The following SORCS1 variants were observed in gnomAD, a reference collection of about 807,000 sequenced individuals.
The protein encoded by SORCS1 is VPS10 domain-containing receptor SorCS1.
Under a neutral mutation model 146.1 loss-of-function variants are expected in SORCS1, and 60 were observed. That is an observed-to-expected ratio of 0.41 (90% CI 0.33 to 0.51). The LOEUF (loss-of-function observed/expected upper bound fraction) is 0.51, where lower values mean the gene tolerates loss of function less well. SORCS1 is among the 20% of genes least tolerant of loss of function. The pLI is 0.21. For missense variants in SORCS1, 1,352 were observed against 1,487.6 expected (o/e 0.91, Z 1.50); for synonymous variants, 637 against 584.0 (o/e 1.09, Z -1.31).
chr10:107,131,132 A>G (rs1163455786), intron 1 of SORCS1, among the ~76,000 whole-genome samples: 2 of 152,154 alleles, frequency 1.3e-5, no homozygotes, highest in Non-Finnish European at 2.9e-5. Context: ...TGCTCTTTAT[A>G]GTACCTGTCC....
intron 3 of SORCS1, among the ~76,000 whole-genome samples, chr10:106,816,806 T>C (rs889182441): frequency 6.6e-6 from 1 of 152,148 alleles, no homozygotes; most frequent in Non-Finnish European, 1.5e-5. Context: ...CCAGTTGCAA[T>C]GGGCATCGAG....
intron 1 of SORCS1, among the ~76,000 whole-genome samples, chr10:107,098,782 C>T (rs1272154421): frequency 6.6e-6 from 1 of 152,166 alleles, no homozygotes; most frequent in Non-Finnish European, 1.5e-5. Context: ...CATGACTTCT[C>T]CCATGTGGCT....
In SORCS1 at chr10:106,943,122, G is replaced by A. The variant is rs77937363; in HGVS notation, c.626+13391C>T. Among the ~76,000 whole-genome samples the A allele has an allele frequency of 6.6e-3, 1,005 of 152,196 alleles. 11 individuals are homozygous for A. The highest frequency in any genetic ancestry group is 0.023 in the African/African-American group (972 of 41,536). On this transcript the variant is annotated intron_variant, in intron 2 of 25. Coordinates refer to ENST00000263054, the MANE Select transcript of SORCS1 (RefSeq NM_052918.5). ...CCACCTGTTACCCAACCTTCCCTCCGGCACTTCAGCTGAGCCAATGTCTTC... is the reference window on the plus strand; with the variant it reads ...CCACCTGTTACCCAACCTTCCCTCCAGCACTTCAGCTGAGCCAATGTCTTC...
chr10:106,656,813 C>G (rs200238597), intron 17 of SORCS1, among the ~76,000 whole-genome samples: 1 of 152,124 alleles, frequency 6.6e-6, no homozygotes, highest in African/African-American at 2.4e-5. Flanking sequence ...TAGATGGATA[C>G]CCAGGCTCTG....
intron 1 of SORCS1, among the ~76,000 whole-genome samples, chr10:106,992,241 C>A (rs1278124220): frequency 6.6e-6 from 1 of 152,040 alleles, no homozygotes; most frequent in Non-Finnish European, 1.5e-5. Flanking sequence ...TCCGTATATT[C>A]GTCCCAATAT....
At chr10:106,883,617 G>A (rs569203630) in intron 2 of SORCS1, among the ~76,000 whole-genome samples, 5 of 152,236 alleles carry the variant, frequency 3.3e-5, no homozygotes, top group African/African-American at 7.2e-5. Flanking sequence ...GTTTCACCAT[G>A]TTAGCCAGGA....
intron 2 of SORCS1, among the ~76,000 whole-genome samples, chr10:106,869,365 A>C (rs1355491034): frequency 6.6e-6 from 1 of 152,188 alleles, no homozygotes; most frequent in East Asian, 1.9e-4. Context: ...TCCTGATACC[A>C]AAACCTCGCA....
rs57578016 is a variant in SORCS1, at chr10:106,895,951, G to GTATATATATATA, written c.626+60550_626+60561dup. The stretch of plus-strand genomic sequence containing the variant: ...CAAACATATATATATGTGTGTGTGT[G>GTATATATATATA]TATATATATATATGCCTACATACAT... On this transcript the variant is annotated intron_variant, in intron 2 of 25. Coordinates refer to ENST00000263054, the MANE Select transcript of SORCS1 (RefSeq NM_052918.5). 2.3e-3 allele frequency among the ~76,000 whole-genome samples: 344 copies of GTATATATATATA among 150,960 alleles called. 1 individual carries two copies. The highest frequency in any genetic ancestry group is 7.7e-3 in the African/African-American group (318 of 41,116).
chr10:107,137,473 C>G (rs1458878196), intron 1 of SORCS1, among the ~76,000 whole-genome samples: 1 of 152,146 alleles, frequency 6.6e-6, no homozygotes, highest in Admixed American at 6.5e-5. Flanking sequence ...TCCATATGTA[C>G]TAGAATGTAT....
chr10:106,836,592 G>T (rs1349649562), intron 2 of SORCS1, among the ~76,000 whole-genome samples: 2 of 151,964 alleles, frequency 1.3e-5, no homozygotes, highest in Non-Finnish European at 2.9e-5. Flanking sequence ...CAGTTAAGGA[G>T]ATGTATTCAG....
At chr10:106,906,702 G>A (rs1184998607) in intron 2 of SORCS1, among the ~76,000 whole-genome samples, 2 of 152,116 alleles carry the variant, frequency 1.3e-5, no homozygotes, top group Non-Finnish European at 2.9e-5. Flanking sequence ...TCTGGGTGGG[G>A]ACACAGCCAA....
intron 11 of SORCS1, 41 bp from the exon 12 acceptor site, chr10:106,679,373 C>G (rs768767058): frequency 1.3e-6 from 2 of 1,487,704 alleles, no homozygotes; most frequent in African/African-American, 2.8e-5. Flanking sequence ...GAACTTTCTG[C>G]AAAAGCAACA....
intron 2 of SORCS1, among the ~76,000 whole-genome samples, chr10:106,933,371 C>T (rs1953518334): frequency 6.6e-6 from 1 of 152,092 alleles, no homozygotes; most frequent in African/African-American, 2.4e-5. Context: ...TAAAATGTCC[C>T]CCAGAAGATG....
chr10:106,985,582 T>C (rs1956435489), intron 1 of SORCS1, among the ~76,000 whole-genome samples: 1 of 150,442 alleles, frequency 6.6e-6, no homozygotes, highest in Non-Finnish European at 1.5e-5. Flanking sequence ...TGTCACCAGG[T>C]TGGAGTGCAG....
intron 23 of SORCS1, among the ~76,000 whole-genome samples, chr10:106,601,787 A>C (rs181212678): frequency 7.4e-4 from 113 of 152,332 alleles, no homozygotes; most frequent in Non-Finnish European, 9.0e-4. Context: ...ATACAGCACA[A>C]GAGGGAAAAG....
Position 106,699,319 on chromosome 10 carries a change from G to A in SORCS1, c.1308C>T (p.Tyr436=), listed in dbSNP as rs567346556. 2.0e-5 allele frequency: 32 copies of A among 1,614,054 alleles called. No homozygotes were observed. The South Asian group carries it at 3.5e-4, about 18-fold the overall frequency. Residue 436 remains tyrosine (Y), a synonymous_variant, in exon 9 of 26, where the codon TAC becomes TAT. Transcript: ENST00000263054. ...CACGTGTGTCTGAGATGTAGAGGTT[G>A]TACGTGTCATTCTGGTTCCATTCTT... ...AVQEWNQNDT[Y]NLYISDTRGV...
chr10:106,749,399 G>T (rs184206278), intron 5 of SORCS1, among the ~76,000 whole-genome samples: 1 of 152,294 alleles, frequency 6.6e-6, no homozygotes, highest in African/African-American at 2.4e-5. Context: ...CAGTAGCTAT[G>T]CAGGGAAAAT....
chr10:106,614,666 G>A lies in SORCS1; in HGVS notation c.2921-2643C>T, dbSNP rs560031099. Among the ~76,000 whole-genome samples, 15 of 152,268 alleles carry A rather than the reference G, an allele frequency of 9.9e-5. No homozygotes were observed. In the South Asian group the frequency reaches 2.9e-3, roughly 29 times the overall value. ...CAAACTGCAGAGACTTCATCCACAA[G>A]GGAGAATGTTTATCTTAGTAAAAGG... is the stretch of plus-strand genomic sequence containing the variant. On this transcript the variant is annotated intron_variant, in intron 21 of 25. Transcript: ENST00000263054.
intron 1 of SORCS1, among the ~76,000 whole-genome samples, chr10:106,999,376 T>G (rs181145346): frequency 8.5e-4 from 129 of 152,314 alleles, no homozygotes; most frequent in Non-Finnish European, 1.4e-3. Flanking sequence ...TCTTCTACTC[T>G]GACAGTTTTG....
Sources: allele counts gnomAD v4.1 joint callset (sites outside exome capture counted in the v4.1 genomes callset), GRCh38; gene constraint gnomAD v4.1.1; transcripts MANE v1.5; gene names NCBI Gene and HGNC (gene_info 2026-07-23, HGNC 2026-07-21).